MRTFB: variants seen among roughly 807,000 people sequenced by gnomAD.
MRTFB encodes the protein myocardin related transcription factor B.
Under a neutral mutation model 104.2 loss-of-function variants are expected in MRTFB, and 29 were observed. The ratio of observed to expected loss-of-function variants is 0.28; its 90% CI spans 0.21 to 0.38. The LOEUF (loss-of-function observed/expected upper bound fraction) is 0.38, where lower values mean the gene tolerates loss of function less well. Ranked by LOEUF, MRTFB falls within the 10% of genes least tolerant of loss-of-function variation. The pLI, the probability that MRTFB is intolerant of heterozygous loss-of-function variation, is 1.00. For missense variants in MRTFB, 1,270 were observed against 1,341.6 expected (o/e 0.95, Z 0.83); for synonymous variants, 535 against 519.5 (o/e 1.03, Z -0.41).
At chr16:14,197,004 C>G (rs1324491837) in intron 3 of MRTFB, among the ~76,000 whole-genome samples, 1 of 119,736 alleles carries the variant, frequency 8.4e-6, no homozygotes, top group Non-Finnish European at 1.6e-5. Context: ...GAGTCTCACT[C>G]TGTTGCCCAG....
At chr16:14,069,431 T>C (rs1350091046), upstream of MRTFB, among the ~76,000 whole-genome samples, 1 of 152,234 alleles carries the variant, frequency 6.6e-6, no homozygotes, top group Non-Finnish European at 1.5e-5. Context: ...AGTTTGGAGA[T>C]GGCACATCGT....
At chr16:14,145,310 G>A (rs772497364) in intron 3 of MRTFB, among the ~76,000 whole-genome samples, 2 of 151,950 alleles carry the variant, frequency 1.3e-5, no homozygotes, top group Non-Finnish European at 2.9e-5. Context: ...ATTATTCCTA[G>A]ACATTTGAAT....
Position 14,258,215 on chromosome 16 carries a change from T to A in MRTFB, c.2764+54T>A, listed in dbSNP as rs246171. The A allele has an allele frequency of 0.12, 184,010 of 1,476,906 alleles. 21,556 individuals are homozygous for A. Among genetic ancestry groups the A allele is most frequent in the African/African-American group, 0.56 (40,234 of 71,592 alleles). 91.5% of individuals were successfully genotyped at this position (1,476,906 alleles called of 1,614,324 possible). On this transcript the variant is annotated intron_variant, in intron 16 of 16. Coordinates refer to ENST00000571589, the MANE Select transcript of MRTFB (RefSeq NM_001308142.2). ...CAGGAAGTCATCTCTTAACCCAAGTTCATGAAAGTTTTTCTTAAGCACTCA... is the reference window on the plus strand; with the variant it reads ...CAGGAAGTCATCTCTTAACCCAAGTACATGAAAGTTTTTCTTAAGCACTCA...
At chr16:14,227,287 A>G (rs1414207773) in intron 8 of MRTFB, among the ~76,000 whole-genome samples, 1 of 145,300 alleles carries the variant, frequency 6.9e-6, no homozygotes, top group East Asian at 2.0e-4. Flanking sequence ...TAAAAAAACA[A>G]AAACAAAACA....
chr16:14,253,905 T>TC (rs2043362765), intron 15 of MRTFB, among the ~76,000 whole-genome samples: 2 of 152,320 alleles, frequency 1.3e-5, no homozygotes, highest in South Asian at 4.1e-4. Context: ...TGGACTACAC[T>TC]CCTCCCTCAT....
At chr16:14,053,786 C>T in the MRTFB span, among the ~76,000 whole-genome samples, 1 of 151,650 alleles carries the variant, frequency 6.6e-6, no homozygotes, top group African/African-American at 2.4e-5. Context: ...GTCCTAGCTA[C>T]TCAAGAGGCT....
At chr16:14,056,105 A>G in the MRTFB span, among the ~76,000 whole-genome samples, 3 of 151,918 alleles carry the variant, frequency 2.0e-5, no homozygotes, top group African/African-American at 7.3e-5. Context: ...CAGCTTCCCA[A>G]CAAGCTGGGA....
chr16:14,070,842 C>T (rs1025070003), upstream of MRTFB, among the ~76,000 whole-genome samples: 2 of 152,264 alleles, frequency 1.3e-5, no homozygotes, highest in Non-Finnish European at 2.9e-5. Context: ...CAATTCCTGG[C>T]TGTGTGACAT....
intron 10 of MRTFB, 25 bp from the exon 11 acceptor site, chr16:14,245,503 C>T: frequency 6.3e-7 from 1 of 1,588,210 alleles, no homozygotes; most frequent in Non-Finnish European, 8.6e-7. Context: ...TTATTATAAA[C>T]TCTAATTTTT....
At chr16:14,103,581 A>G (rs1037468628) in intron 2 of MRTFB, among the ~76,000 whole-genome samples, 3 of 152,172 alleles carry the variant, frequency 2.0e-5, no homozygotes, top group Non-Finnish European at 4.4e-5. Context: ...TCCATTGCTG[A>G]AATCAGGAGA....
intron 3 of MRTFB, among the ~76,000 whole-genome samples, chr16:14,194,289 A>C (rs1471144586): frequency 1.3e-5 from 2 of 152,234 alleles, no homozygotes; most frequent in East Asian, 3.8e-4. Context: ...TGGTGAGGCC[A>C]GTTAATGGTG....
intron 2 of MRTFB, among the ~76,000 whole-genome samples, chr16:14,105,465 A>G (rs1444312401): frequency 2.0e-5 from 3 of 151,734 alleles, no homozygotes; most frequent in East Asian, 3.9e-4. Context: ...TGGCATAACC[A>G]TGGCTCACTG....
rs1597205421 is a variant in MRTFB at position 14,191,867 on chromosome 16, C to T, written c.155-18376C>T. On this transcript the variant is annotated intron_variant, in intron 3 of 16. Coordinates refer to ENST00000571589, the MANE Select transcript of MRTFB (RefSeq NM_001308142.2). ...ATTGTTTGATTTTTATCATCTGCCA[C>T]TTCAGGCTGCTCTTCCTTTTCTGAT... The T allele has an allele frequency of 2.0e-5, 3 of 152,226 alleles. No individual in the cohort carries two copies. In the South Asian group the frequency reaches 6.2e-4, roughly 32 times the overall value. 9.4% of individuals were successfully genotyped at this position (152,226 alleles called of 1,614,324 possible). A position where few individuals can be genotyped will look rare whatever the true frequency, so the allele number is the denominator to read the frequency against.
Position 14,261,334 on chromosome 16 carries a change from A to T in MRTFB, c.3190A>T (p.Ile1064Phe). Residue 1064 changes from isoleucine (I) to phenylalanine (F), a missense_variant, in exon 17 of 17, where the codon ATT becomes TTT. Coordinates refer to ENST00000571589, the MANE Select transcript of MRTFB (RefSeq NM_001308142.2). ...SNLDNMEWLD[I>F]TMPNSSSGLT... ...CTTGGACAACATGGAGTGGTTGGACATTACCATGCCCAACTCCTCTTCAGG... is the reference window on the plus strand; with the variant it reads ...CTTGGACAACATGGAGTGGTTGGACTTTACCATGCCCAACTCCTCTTCAGG... 6.2e-7 allele frequency: 1 copy of T among 1,614,148 alleles called. No homozygotes were observed. Among genetic ancestry groups the T allele is most frequent in the Non-Finnish European group, 8.5e-7 (1 of 1,180,020 alleles).
At chr16:14,160,737 ATATTT>A (rs973856016) in intron 3 of MRTFB, among the ~76,000 whole-genome samples, 2 of 152,072 alleles carry the variant, frequency 1.3e-5, no homozygotes, top group African/African-American at 4.8e-5. Flanking sequence ...GGACTTACAG[ATATTT>A]TATTTTTTTA....
intron 7 of MRTFB, among the ~76,000 whole-genome samples, chr16:14,217,783 T>G (rs1319063561): frequency 6.6e-6 from 1 of 152,248 alleles, no homozygotes; most frequent in Non-Finnish European, 1.5e-5. Flanking sequence ...AACTTTTTAT[T>G]TCTGTCTACT....
At chr16:14,096,193 C>T (rs2035358466) in intron 2 of MRTFB, among the ~76,000 whole-genome samples, 1 of 152,078 alleles carries the variant, frequency 6.6e-6, no homozygotes, top group Non-Finnish European at 1.5e-5. Context: ...TCTGCCTCAG[C>T]CTTCCGGGTA....
intron 2 of MRTFB, among the ~76,000 whole-genome samples, chr16:14,118,087 C>G (rs1342749162): frequency 1.3e-5 from 2 of 151,428 alleles, no homozygotes; most frequent in Admixed American, 1.3e-4. Flanking sequence ...TTGATGCTCC[C>G]CTGTGTGCCT....
At chr16:14,249,674 C>T (rs1347034249) in intron 13 of MRTFB, among the ~76,000 whole-genome samples, 1 of 152,206 alleles carries the variant, frequency 6.6e-6, no homozygotes. Context: ...GTCCTCTACA[C>T]AAATAACTAC....
Sources: allele counts gnomAD v4.1 joint callset (sites outside exome capture counted in the v4.1 genomes callset), GRCh38; gene constraint gnomAD v4.1.1; transcripts MANE v1.5; gene names NCBI Gene and HGNC (gene_info 2026-07-23, HGNC 2026-07-21).